The following PSAP variants were observed in gnomAD, a reference collection of about 807,000 sequenced individuals.
PSAP encodes prosaposin, also known as precursor of saposins.
A neutral mutation model predicts 66.0 loss-of-function variants in PSAP; 25 were observed. The observed-to-expected ratio is 0.38, with a 90% confidence interval of 0.28 to 0.53. The LOEUF (loss-of-function observed/expected upper bound fraction) is 0.53. PSAP is among the 20% of genes least tolerant of loss of function. The pLI is 0.83. For missense variants in PSAP, 649 were observed against 668.8 expected, an observed-to-expected ratio of 0.97 and a Z score of 0.33; for synonymous variants, 273 against 258.9, an observed-to-expected ratio of 1.05 and a Z score of -0.52.
At chr10:71,833,757 A>G (rs1842566753) in intron 2 of PSAP, among the ~76,000 whole-genome samples, 1 of 152,192 alleles carries the variant, frequency 6.6e-6, no homozygotes. Context: ...GCCTTAGACC[A>G]TGCCCCACAT....
chr10:71,823,580 T>A (rs575826979), intron 7 of PSAP, among the ~76,000 whole-genome samples: 2 of 152,198 alleles, frequency 1.3e-5, no homozygotes, highest in South Asian at 2.1e-4. Flanking sequence ...CACCCATGGT[T>A]CCCCATTGTC....
Position 71,827,989 on chromosome 10 carries a change from C to G in PSAP, c.720+25G>C, listed in dbSNP as rs1396911155. ...CCAACTCCCAGGCCCAGAACATCCC[C>G]AATGCACAAGGACACAAGGCTCACT... On this transcript the variant is annotated intron_variant, in intron 6 of 13. Coordinates refer to ENST00000394936, the MANE Select transcript of PSAP (RefSeq NM_002778.4). 5 of 1,613,932 alleles carry G rather than the reference C, an allele frequency of 3.1e-6. No individual in the cohort carries two copies. In the South Asian group the frequency reaches 3.3e-5, roughly 11 times the overall value.
At chr10:71,834,781 C>T (rs557232664) in intron 1 of PSAP, among the ~76,000 whole-genome samples, 1 of 152,282 alleles carries the variant, frequency 6.6e-6, no homozygotes, top group African/African-American at 2.4e-5. Flanking sequence ...AGAACTTTAA[C>T]CTTAAAATGT....
intron 1 of PSAP, among the ~76,000 whole-genome samples, chr10:71,841,766 G>A (rs769775522): frequency 7.9e-5 from 12 of 152,134 alleles, no homozygotes; most frequent in Admixed American, 5.2e-4. Context: ...AGCACTTTGG[G>A]AGGCCGAGGC....
rs148279196 is a variant in PSAP, at chr10:71,851,206, G to A, written c.16C>T (p.Leu6Phe). Reference protein sequence around the residue: MYALFLLASLLGAALA... With the variant: MYALFFLASLLGAALA... ...CCCGCGCCCAGGAGGCTGGCCAGGA[G>A]GAAGAGGGCGTACATAGCGCCGTCT... Residue 6 changes from leucine to phenylalanine, a missense_variant, in exon 1 of 14, where the codon CTC becomes TTC. Physicochemically the swap from Leu to Phe is conservative, Grantham distance 22 (BLOSUM62 0). Coordinates refer to ENST00000394936, the MANE Select transcript of PSAP (RefSeq NM_002778.4). The A allele has an allele frequency of 5.2e-4, 804 of 1,551,144 alleles. 5 individuals carry two copies. In the African/African-American group the frequency reaches 9.5e-3, roughly 18 times the overall value.
chr10:71,847,754 A>T (rs891865430), intron 1 of PSAP, among the ~76,000 whole-genome samples: 1 of 151,912 alleles, frequency 6.6e-6, no homozygotes. Context: ...TTATACTCTT[A>T]TTTTCACAGA....
chr10:71,844,761 G>A (rs1245282155), intron 1 of PSAP: 1 of 152,148 alleles, frequency 6.6e-6, no homozygotes, highest in Non-Finnish European at 1.5e-5. Context: ...AAACCAGAAA[G>A]CCTTCTAGAC....
chr10:71,841,947 A>G (rs1345675676), intron 1 of PSAP, among the ~76,000 whole-genome samples: 1 of 151,910 alleles, frequency 6.6e-6, no homozygotes, highest in Non-Finnish European at 1.5e-5. Context: ...CAGAGGTTGC[A>G]GTGAGCCGAG....
intron 1 of PSAP, 68 bp from the exon 2 acceptor site, chr10:71,834,573 C>T (rs749324564): frequency 1.2e-4 from 183 of 1,586,548 alleles, no homozygotes; most frequent in Non-Finnish European, 1.5e-4. Flanking sequence ...GACTTATTTC[C>T]CCAGGGCTGA....
intron 10 of PSAP, 37 bp from the exon 11 acceptor site, chr10:71,819,659 C>CA: frequency 6.2e-7 from 1 of 1,614,036 alleles, no homozygotes; most frequent in East Asian, 2.2e-5. Flanking sequence ...GCTGGCAGGG[C>CA]CCTCCCAGAC....
chr10:71,850,958 G>A (rs1185342052), intron 1 of PSAP, among the ~76,000 whole-genome samples: 3 of 152,246 alleles, frequency 2.0e-5, no homozygotes. Context: ...ATGCTGCCCA[G>A]GGCCTGGGCC....
chr10:71,839,151 T>C lies in PSAP; in HGVS notation c.41-4646A>G, dbSNP rs549425358. 1.1e-4 allele frequency among the ~76,000 whole-genome samples: 16 copies of C among 146,668 alleles called. No homozygotes were observed. In the South Asian group the frequency reaches 3.4e-3, roughly 31 times the overall value. On this transcript the variant is annotated intron_variant, in intron 1 of 13. Coordinates refer to ENST00000394936, the MANE Select transcript of PSAP (RefSeq NM_002778.4). The stretch of plus-strand genomic sequence containing the variant: ...CCTCCTAAAGATTTCCAATTAAATG[T>C]GTCATAAAGACATGAACAGCACTCG...
chr10:71,817,683 G>A (rs539204183), intron 13 of PSAP, among the ~76,000 whole-genome samples: 20 of 152,330 alleles, frequency 1.3e-4, no homozygotes, highest in African/African-American at 4.8e-4. Flanking sequence ...TCTAAGGCAC[G>A]AGTCCAGAGC....
In PSAP at chr10:71,831,240, AAGGATCTCCTCCTACGAG is replaced by A; in HGVS notation, c.250-7_260del. The stretch of plus-strand genomic sequence containing the variant: ...AGTCACAGGTCTTCTCCAAGTAAAC[AAGGATCTCCTCCTACGAG>A]AGGACACCAGGGTCAGAATCACGAT... On this transcript the variant is annotated splice_acceptor_variant and splice_polypyrimidine_tract_variant and coding_sequence_variant and intron_variant, in exon 4 of 14. Transcript: ENST00000394936. LOFTEE classifies it high-confidence loss of function. 6.2e-7 allele frequency: 1 copy of A among 1,614,072 alleles called. No homozygotes were observed. The highest frequency in any genetic ancestry group is 8.5e-7 in the Non-Finnish European group (1 of 1,179,964).
In PSAP at chr10:71,819,907, C is replaced by T. The variant is rs372177796; in HGVS notation, c.1006-7G>A. Reference sequence around the variant, plus strand: ...AAGCGTCGAGTATTTCTTTCTGAAACACACGAGAGGATCGTGTGAGAAGAC... The same window carrying T: ...AAGCGTCGAGTATTTCTTTCTGAAATACACGAGAGGATCGTGTGAGAAGAC... On this transcript the variant is annotated splice_polypyrimidine_tract_variant and splice_region_variant and intron_variant, in intron 9 of 13. Transcript: ENST00000394936. 9 of 1,612,958 alleles carry T rather than the reference C, an allele frequency of 5.6e-6. No individual in the cohort carries two copies. The highest frequency in any genetic ancestry group is 7.6e-6 in the Non-Finnish European group (9 of 1,179,150).
At chr10:71,833,519 T>A (rs1005328735) in intron 2 of PSAP, among the ~76,000 whole-genome samples, 1 of 152,198 alleles carries the variant, frequency 6.6e-6, no homozygotes, top group Non-Finnish European at 1.5e-5. Context: ...CACAAACTGT[T>A]TCTAAAAGAA....
intron 4 of PSAP, among the ~76,000 whole-genome samples, chr10:71,829,559 C>T (rs1227097804): frequency 1.3e-5 from 2 of 152,188 alleles, no homozygotes; most frequent in African/African-American, 2.4e-5. Flanking sequence ...TTTGAGGCCC[C>T]CCCAGCCACG....
rs1486056281 is a variant in PSAP at position 71,819,195 on chromosome 10, ACACTGTT to A, written c.1351-91_1351-85del. ...ACAAAAGGCCAGGCAGGCCCTGGAT[ACACTGTT>A]CCCTGAGAGCTCCTGGCATTCCCAG... is the stretch of plus-strand genomic sequence containing the variant. On this transcript the variant is annotated intron_variant, in intron 11 of 13. Transcript: ENST00000394936. 3.9e-6 allele frequency: 5 copies of A among 1,272,394 alleles called. No individual in the cohort carries two copies. In the African/African-American group the frequency reaches 7.4e-5, roughly 19 times the overall value. The allele number at this position is 1,272,394 out of a possible 1,614,324, so 78.8% of individuals were successfully genotyped here. A position where few individuals can be genotyped will look rare whatever the true frequency, so the allele number is the denominator to read the frequency against.
intron 1 of PSAP, among the ~76,000 whole-genome samples, chr10:71,849,811 A>G (rs1018155625): frequency 6.6e-6 from 1 of 151,958 alleles, no homozygotes; most frequent in African/African-American, 2.4e-5. Context: ...ACCCAGATGC[A>G]AGACATTTCA....
Sources: allele counts gnomAD v4.1 joint callset (sites outside exome capture counted in the v4.1 genomes callset), GRCh38; gene constraint gnomAD v4.1.1; transcripts MANE v1.5; gene names NCBI Gene and HGNC (gene_info 2026-07-23, HGNC 2026-07-21).